MYH13: variants seen among roughly 807,000 people sequenced by gnomAD.
MYH13 encodes the protein myosin heavy chain 13, also known as myosin-13.
MYH13 carries 177 observed loss-of-function variants against 232.1 expected under a neutral mutation model. The ratio of observed to expected loss-of-function variants is 0.76; its 90% CI spans 0.67 to 0.86. The LOEUF (loss-of-function observed/expected upper bound fraction) is 0.86. Among genes scored for constraint, MYH13 ranks in the 40% least tolerant of loss-of-function variants. The probability of loss-of-function intolerance (pLI) is 0.00; values close to 1 mark genes in which losing one functional copy is unlikely to be tolerated. For synonymous variants in MYH13, 884 were observed against 923.5 expected (o/e 0.96, Z 0.78); for missense variants, 2,246 against 2,405.9 (o/e 0.93, Z 1.39).
chr17:10,332,880 G>T (rs888655077), intron 19 of MYH13, among the ~76,000 whole-genome samples, 194 bp downstream of exon 19: 1 of 152,190 alleles, frequency 6.6e-6, no homozygotes, highest in Non-Finnish European at 1.5e-5. Flanking sequence ...AGAGGGTCTG[G>T]GATCTGAATT....
intron 21 of MYH13, among the ~76,000 whole-genome samples, chr17:10,330,025 A>G (rs1359604585): frequency 6.6e-6 from 1 of 151,806 alleles, no homozygotes; most frequent in Non-Finnish European, 1.5e-5. Flanking sequence ...GAAAAAAGAA[A>G]GTGCTTTCTT....
intron 27 of MYH13, 71 bp from the exon 28 acceptor site, chr17:10,316,096 T>C: frequency 2.0e-6 from 3 of 1,517,382 alleles, no homozygotes; most frequent in Non-Finnish European, 9.0e-7. Flanking sequence ...AACTGAACAG[T>C]GTAATCATTT....
At position 10,309,266 on chromosome 17, in the gene MYH13, C is replaced by A; in HGVS notation, c.5137G>T (p.Ala1713Ser). The A allele has an allele frequency of 6.2e-7, 1 of 1,613,592 alleles. No individual in the cohort carries two copies. Among genetic ancestry groups the A allele is most frequent in the Non-Finnish European group, 8.5e-7 (1 of 1,179,792 alleles). Residue 1713 changes from alanine (A) to serine (S), a missense_variant, in exon 35 of 41, where the codon GCC becomes TCC. Ala to Ser is a moderately conservative substitution (Grantham distance 99). Transcript: ENST00000252172. ...RRLSEQELLD[A>S]SDRVQLLHSQ... Reference sequence around the variant, plus strand: ...TGCAGGAGCTGCACGCGGTCGCTGGCGTCCAGCAGCTCCTGCTCTGACAGC... The same window carrying A: ...TGCAGGAGCTGCACGCGGTCGCTGGAGTCCAGCAGCTCCTGCTCTGACAGC...
intron 26 of MYH13, 90 bp from the exon 27 acceptor site, chr17:10,319,269 C>A (rs1906843609): frequency 6.9e-7 from 1 of 1,444,030 alleles, no homozygotes; most frequent in East Asian, 2.4e-5. Flanking sequence ...TGCGGGTAGG[C>A]AGCATGAGGT....
chr17:10,322,705 C>T (rs571107963), intron 23 of MYH13, among the ~76,000 whole-genome samples: 2 of 145,754 alleles, frequency 1.4e-5, no homozygotes, highest in Non-Finnish European at 3.0e-5. Flanking sequence ...GCAGTCTCAG[C>T]TCACTGCAAG....
At chr17:10,316,361 T>C (rs1384354617) in intron 27 of MYH13, among the ~76,000 whole-genome samples, 1 of 152,064 alleles carries the variant, frequency 6.6e-6, no homozygotes, top group African/African-American at 2.4e-5. Flanking sequence ...CTCGGGAGGC[T>C]GAGGCAGGAG....
At chr17:10,324,390 A>ATG in intron 22 of MYH13, 126 bp from the exon 23 acceptor site, 1 of 1,110,492 alleles carries the variant, frequency 9.0e-7, no homozygotes, top group Non-Finnish European at 1.3e-6. Context: ...ACACACATGC[A>ATG]CGCACATGTG....
In MYH13 at chr17:10,362,180, C is replaced by T. The variant is rs202246911; in HGVS notation, c.443G>A (p.Arg148His). Reference protein sequence around the residue: ...EVVAAYRGKKRQEAPPHIFSI... With the variant: ...EVVAAYRGKKHQEAPPHIFSI... ...GAAGATGTGGGGCGGGGCCTCCTGG[C>T]GCTTTTTGCCTCTGTAGGCAGCCAC... The change falls in exon 5 of 41, where the codon CGC becomes CAC. Residue 148 changes from arginine to histidine, a missense_variant. Physicochemically the swap from Arg to His is conservative, Grantham distance 29 (BLOSUM62 0). Transcript: ENST00000252172. 69 of 1,613,746 alleles carry T rather than the reference C, an allele frequency of 4.3e-5. No homozygotes were observed. The African/African-American group carries it at 4.4e-4, about 10-fold the overall frequency.
In MYH13 at chr17:10,320,254, A is replaced by AT. The variant is rs1220830022; in HGVS notation, c.3258-12dup. 1.9e-6 allele frequency: 3 copies of AT among 1,592,858 alleles called. No individual in the cohort carries two copies. The highest frequency in any genetic ancestry group is 1.8e-5 in the Admixed American group (1 of 56,348). On this transcript the variant is annotated splice_polypyrimidine_tract_variant and intron_variant, in intron 25 of 40. Transcript: ENST00000252172. The stretch of plus-strand genomic sequence containing the variant: ...AGTTCAAACTCCTTCCTGCAAATAG[A>AT]TTAAAAAAAAATAAAGAACATGAAA...
At chr17:10,333,499 T>A (rs893181962) in intron 18 of MYH13, among the ~76,000 whole-genome samples, 1 of 152,146 alleles carries the variant, frequency 6.6e-6, no homozygotes, top group African/African-American at 2.4e-5. Context: ...GCAGAGTGAG[T>A]ACAGGGTGCA....
At position 10,368,330 on chromosome 17, in the gene MYH13, T is replaced by C. The variant is rs537855840; in HGVS notation, c.-13+2879A>G. Among the ~76,000 whole-genome samples, 4 of 152,364 alleles carry C rather than the reference T, an allele frequency of 2.6e-5. No individual in the cohort carries two copies. The South Asian group carries it at 8.3e-4, about 32-fold the overall frequency. On this transcript the variant is annotated intron_variant, in intron 2 of 40. Transcript: ENST00000252172. ...TTTCCTCGAGACGACAACCACATTG[T>C]TCCTTTTGGAGAACATGTTTGCCAA... is the stretch of plus-strand genomic sequence containing the variant.
chr17:10,340,612 G>A (rs564663198), intron 16 of MYH13, among the ~76,000 whole-genome samples: 1 of 152,072 alleles, frequency 6.6e-6, no homozygotes, highest in African/African-American at 2.4e-5. Flanking sequence ...TCCACCTCCC[G>A]GGTTCAAGCC....
At chr17:10,339,090 C>T (rs532845104) in intron 18 of MYH13, among the ~76,000 whole-genome samples, 4 of 152,136 alleles carry the variant, frequency 2.6e-5, no homozygotes, top group South Asian at 2.1e-4. Flanking sequence ...CTTTTCCCCC[C>T]CAACCCCCCG....
chr17:10,361,807 A>G (rs1208760055), intron 5 of MYH13, among the ~76,000 whole-genome samples: 1 of 152,218 alleles, frequency 6.6e-6, no homozygotes, highest in Non-Finnish European at 1.5e-5. Flanking sequence ...CTGAGTGGCT[A>G]CTGATATGGT....
rs1004439968 is a variant in MYH13, at chr17:10,346,787, C to G, written c.1156G>C (p.Ala386Pro). 1 of 1,613,646 alleles carries G rather than the reference C, an allele frequency of 6.2e-7. No homozygotes were observed. Among genetic ancestry groups the G allele is most frequent in the South Asian group, 1.1e-5 (1 of 91,008 alleles). The change falls in exon 13 of 41, where the codon GCC becomes CCC. Residue 386 changes from alanine (A) to proline (P), a missense_variant. By Grantham distance (27) the Ala-to-Pro change is conservative. Coordinates refer to ENST00000252172, the MANE Select transcript of MYH13 (RefSeq NM_003802.3). ...GAATTCAGTCCCATCAGGTATCCGG[C>G]TTTGTCAGCCACTGAAGGAAGAGAA... ...EPDGTEVADK[A>P]GYLMGLNSAE...
At position 10,371,778 on chromosome 17, in the gene MYH13, C is replaced by T. The variant is rs532402149; in HGVS notation, c.-63-519G>A. 1.7e-4 allele frequency among the ~76,000 whole-genome samples: 26 copies of T among 152,160 alleles called. 1 individual carries two copies. The Middle Eastern group carries it at 0.014, about 80-fold the overall frequency. On this transcript the variant is annotated intron_variant, in intron 1 of 40. Coordinates refer to ENST00000252172, the MANE Select transcript of MYH13 (RefSeq NM_003802.3). ...CTTAGGGGCAGTCACCTTTTTTTGG[C>T]AATAGGAGAAAAGTTATAAATTGTG... is the stretch of plus-strand genomic sequence containing the variant.
chr17:10,363,168 T>C (rs1396169067), intron 3 of MYH13, among the ~76,000 whole-genome samples: 2 of 151,918 alleles, frequency 1.3e-5, no homozygotes, highest in African/African-American at 2.4e-5. Flanking sequence ...CTGCACTCCA[T>C]GGCTCAGGAG....
chr17:10,354,613 A>G (rs1476070781), intron 11 of MYH13, 67 bp downstream of exon 11: 1 of 1,416,722 alleles, frequency 7.1e-7, no homozygotes, highest in Admixed American at 1.7e-5. Flanking sequence ...TTAGCTCACT[A>G]ACGTGTCTCT....
chr17:10,346,505 G>T (rs1298419096), intron 13 of MYH13, among the ~76,000 whole-genome samples, 175 bp downstream of exon 13: 1 of 152,128 alleles, frequency 6.6e-6, no homozygotes, highest in Non-Finnish European at 1.5e-5. Flanking sequence ...GGCGTCCAAT[G>T]GGCACTTAAT....
Sources: gnomAD v4.1 joint callset for allele counts (sites outside exome capture counted in the v4.1 genomes callset) on GRCh38, gnomAD v4.1.1 for gene constraint, MANE v1.5 for transcripts, NCBI Gene and HGNC (gene_info 2026-07-23, HGNC 2026-07-21) for gene names.